The following ADAM17 variants were observed in gnomAD, a reference collection of about 807,000 sequenced individuals.
The protein encoded by ADAM17 is disintegrin and metalloproteinase domain-containing protein 17.
Under a neutral mutation model 96.7 loss-of-function variants are expected in ADAM17, and 39 were observed. The ratio of observed to expected loss-of-function variants is 0.40; its 90% CI spans 0.31 to 0.53. The LOEUF (loss-of-function observed/expected upper bound fraction) is 0.53. Ranked by LOEUF, ADAM17 falls within the 20% of genes least tolerant of loss-of-function variation. ADAM17 has a pLI of 0.44. For synonymous variants in ADAM17, 344 were observed against 359.2 expected (o/e 0.96, Z 0.48); for missense variants, 777 against 1,013.2 (o/e 0.77, Z 3.17).
chr2:9,501,992 T>C (rs1036104650), intron 13 of ADAM17, among the ~76,000 whole-genome samples, 181 bp downstream of exon 13: 1 of 151,032 alleles, frequency 6.6e-6, no homozygotes, highest in African/African-American at 2.4e-5. Flanking sequence ...GAAAGAGAAA[T>C]AGAAACAGGT....
intron 8 of ADAM17, among the ~76,000 whole-genome samples, chr2:9,519,620 G>T (rs1459846138): frequency 6.6e-6 from 1 of 152,114 alleles, no homozygotes; most frequent in African/African-American, 2.4e-5. Context: ...ACTCTATCTG[G>T]AAACAGGGCC....
At chr2:9,507,661 G>A (rs1663488477) in intron 11 of ADAM17, among the ~76,000 whole-genome samples, 1 of 152,020 alleles carries the variant, frequency 6.6e-6, no homozygotes, top group African/African-American at 2.4e-5. Flanking sequence ...GATACAGACT[G>A]GCAGCTCCAG....
chr2:9,546,959 G>A (rs756368026), intron 1 of ADAM17, among the ~76,000 whole-genome samples: 5 of 152,074 alleles, frequency 3.3e-5, no homozygotes, highest in Non-Finnish European at 7.4e-5. Context: ...CACCCACTTC[G>A]GCCTCCCAAA....
At chr2:9,494,809 A>ACCTGCCTCTCCT in intron 14 of ADAM17, 42 bp from the exon 15 acceptor site, 8 of 1,603,578 alleles carry the variant, frequency 5.0e-6, no homozygotes, top group Non-Finnish European at 6.8e-6. Flanking sequence ...TTGTTCTGAG[A>ACCTGCCTCTCCT]CCTGCCTCTC....
At chr2:9,515,749 A>AG (rs1664025557) in intron 10 of ADAM17, among the ~76,000 whole-genome samples, 1 of 150,782 alleles carries the variant, frequency 6.6e-6, no homozygotes, top group African/African-American at 2.5e-5. Flanking sequence ...AAAAAAAAAA[A>AG]AAGAAAAAAG....
At chr2:9,509,671 A>G (rs1286096913) in intron 11 of ADAM17, among the ~76,000 whole-genome samples, 1 of 152,224 alleles carries the variant, frequency 6.6e-6, no homozygotes, top group Non-Finnish European at 1.5e-5. Flanking sequence ...AATTTTTAAC[A>G]TAAAGCCTGA....
rs548598998 is a variant in ADAM17, at chr2:9,503,998, CA to C, written c.1544+1167del. Among the ~76,000 whole-genome samples, 204 of 151,524 alleles carry C rather than the reference CA, an allele frequency of 1.3e-3. 1 individual carries two copies. Among genetic ancestry groups the C allele is most frequent in the African/African-American group, 4.7e-3 (192 of 41,284 alleles). Reference sequence around the variant, plus strand: ...CAAAACCCCATCTCTATAAAAAATACAAAAAAAATTAGCCAGGTGGCACACA... The same window carrying C: ...CAAAACCCCATCTCTATAAAAAATACAAAAAAATTAGCCAGGTGGCACACA... On this transcript the variant is annotated intron_variant, in intron 12 of 18. Coordinates refer to ENST00000310823, the MANE Select transcript of ADAM17 (RefSeq NM_003183.6).
intron 2 of ADAM17, among the ~76,000 whole-genome samples, chr2:9,540,372 C>T (rs1665159270): frequency 6.6e-6 from 1 of 151,954 alleles, no homozygotes; most frequent in African/African-American, 2.4e-5. Flanking sequence ...AGTTACTAAG[C>T]TGTCTAAGCC....
chr2:9,521,521 T>G (rs1415032607), intron 7 of ADAM17: 1 of 256,952 alleles, frequency 3.9e-6, no homozygotes, highest in African/African-American at 2.2e-5. Flanking sequence ...TGTCAATGAA[T>G]TATTTATAAT....
intron 1 of ADAM17, among the ~76,000 whole-genome samples, chr2:9,546,742 ACT>A (rs1405971889): frequency 1.8e-5 from 2 of 109,588 alleles, no homozygotes; most frequent in East Asian, 4.1e-4. Context: ...ATGGAGTCTC[ACT>A]CTGTCGCCAG....
At chr2:9,536,257 T>C (rs777866750) in intron 3 of ADAM17, among the ~76,000 whole-genome samples, 5 of 152,192 alleles carry the variant, frequency 3.3e-5, no homozygotes, top group Non-Finnish European at 5.9e-5. Context: ...AACTATACTA[T>C]TTGTGGATTT....
At chr2:9,515,751 AG>A (rs369423140) in intron 10 of ADAM17, among the ~76,000 whole-genome samples, 13 of 144,860 alleles carry the variant, frequency 9.0e-5, no homozygotes, top group Non-Finnish European at 1.8e-4. Context: ...AAAAAAAAAA[AG>A]AAAAAAGAAA....
rs1663303969 is a variant in ADAM17 at position 9,505,083 on chromosome 2, A to C, written c.1544+83T>G. On this transcript the variant is annotated intron_variant, in intron 12 of 18. Coordinates refer to ENST00000310823, the MANE Select transcript of ADAM17 (RefSeq NM_003183.6). ...CTCACACCCCTTTCAGTTGATTCTAAAGCCCCTGCAAGTTCAGTCTTCTCT... is the reference window on the plus strand; with the variant it reads ...CTCACACCCCTTTCAGTTGATTCTACAGCCCCTGCAAGTTCAGTCTTCTCT... The C allele has an allele frequency of 2.1e-6, 3 of 1,431,720 alleles. No homozygotes were observed. The Admixed American group carries it at 5.7e-5, about 27-fold the overall frequency. 88.7% of individuals were successfully genotyped at this position (1,431,720 alleles called of 1,614,324 possible).
At chr2:9,546,400 A>G (rs990141504) in intron 1 of ADAM17, among the ~76,000 whole-genome samples, 1 of 152,176 alleles carries the variant, frequency 6.6e-6, no homozygotes, top group African/African-American at 2.4e-5. Flanking sequence ...CTATAGTAAA[A>G]ACAGTTCTTC....
rs749144062 is a variant in ADAM17, at chr2:9,555,547, G to C, written c.59C>G (p.Pro20Arg). The change falls in exon 1 of 19, where the codon CCT becomes CGT. Residue 20 changes from proline to arginine, a missense_variant. By Grantham distance (103) the Pro-to-Arg change is moderately radical (BLOSUM62 -2). This residue lies in a region of ADAM17 where 134 missense variants were observed against 129.1 expected (regional missense o/e 1.04). Coordinates refer to ENST00000310823, the MANE Select transcript of ADAM17 (RefSeq NM_003183.6). ...SVVPFVLAPR[P>R]PDDPGFGPHQ... The stretch of plus-strand genomic sequence containing the variant: ...GGGGCCGAAGCCCGGGTCATCCGGA[G>C]GTCGCGGCGCCAGCACGAAAGGAAC... The C allele has an allele frequency of 1.2e-6, 2 of 1,604,124 alleles. No individual in the cohort carries two copies. Among genetic ancestry groups the C allele is most frequent in the Non-Finnish European group, 1.7e-6 (2 of 1,175,314 alleles).
chr2:9,542,602 TTA>T (rs1300962276), intron 2 of ADAM17, among the ~76,000 whole-genome samples: 3 of 151,970 alleles, frequency 2.0e-5, no homozygotes, highest in African/African-American at 4.9e-5. Context: ...TTAATTTAAA[TTA>T]TGTTAGAATT....
At chr2:9,523,427 T>G in intron 6 of ADAM17, 89 bp from the exon 7 acceptor site, 2 of 1,223,826 alleles carry the variant, frequency 1.6e-6, no homozygotes, top group Non-Finnish European at 2.3e-6. Flanking sequence ...AAAGAAAAAA[T>G]CTCAGTTTAG....
intron 1 of ADAM17, among the ~76,000 whole-genome samples, chr2:9,552,198 CT>C (rs1486545810): frequency 6.6e-6 from 1 of 152,162 alleles, no homozygotes; most frequent in Non-Finnish European, 1.5e-5. Context: ...CACTTATTAT[CT>C]CACAAATAGA....
intron 7 of ADAM17, chr2:9,522,533 A>C: frequency 2.0e-6 from 1 of 499,650 alleles, no homozygotes; most frequent in Non-Finnish European, 3.6e-6. Flanking sequence ...AACATTTATA[A>C]ACATGGTGAA....
Sources: gnomAD v4.1 joint callset for allele counts (sites outside exome capture counted in the v4.1 genomes callset) on GRCh38, gnomAD v4.1.1 for gene constraint, gnomAD v4.1.1 regional missense constraint, MANE v1.5 for transcripts, NCBI Gene and HGNC (gene_info 2026-07-23, HGNC 2026-07-21) for gene names.